The following BIRC2 variants were observed in gnomAD, a reference collection of about 807,000 sequenced individuals.
BIRC2 encodes the protein baculoviral IAP repeat-containing protein 2.
A neutral mutation model predicts 60.9 loss-of-function variants in BIRC2; 18 were observed. The ratio of observed to expected loss-of-function variants is 0.30; its 90% CI spans 0.20 to 0.44. The LOEUF (loss-of-function observed/expected upper bound fraction) is 0.44, where lower values mean the gene tolerates loss of function less well. BIRC2 is among the 20% of genes least tolerant of loss of function. The probability of loss-of-function intolerance (pLI) is 1.00; values close to 1 mark genes in which losing one functional copy is unlikely to be tolerated. For missense variants in BIRC2, 701 were observed against 728.5 expected (o/e 0.96, Z 0.43); for synonymous variants, 282 against 247.7 (o/e 1.14, Z -1.30).
At chr11:102,352,042 C>T (rs35972941) in intron 3 of BIRC2, among the ~76,000 whole-genome samples, 6,603 of 152,138 alleles carry the variant, frequency 0.043, 197 homozygotes, top group Non-Finnish European at 0.069. Flanking sequence ...GTCTACCCAT[C>T]AAGTACTAAT....
chr11:102,356,892 A>G (rs1244052867), intron 3 of BIRC2, among the ~76,000 whole-genome samples: 1 of 148,734 alleles, frequency 6.7e-6, no homozygotes, highest in Non-Finnish European at 1.5e-5. Flanking sequence ...CTGGTCTCAA[A>G]CTCCTGACCT....
intron 3 of BIRC2, among the ~76,000 whole-genome samples, chr11:102,361,722 CTG>C (rs1951487530): frequency 6.6e-6 from 1 of 152,154 alleles, no homozygotes; most frequent in Non-Finnish European, 1.5e-5. Context: ...CCACTGAGGA[CTG>C]TAATGGCACT....
At chr11:102,350,979 T>A (rs1270193505) in intron 3 of BIRC2, 36 bp downstream of exon 3, 5 of 1,596,658 alleles carry the variant, frequency 3.1e-6, no homozygotes, top group Non-Finnish European at 4.3e-6. Context: ...TACAAAAAAC[T>A]CTGTGCTTAA....
chr11:102,364,174 T>TATATATATATATATAC (rs1389968594), intron 5 of BIRC2, among the ~76,000 whole-genome samples: 115 of 77,996 alleles, frequency 1.5e-3, no homozygotes, highest in Middle Eastern at 5.6e-3. Flanking sequence ...TATATATATA[T>TATATATATATATATAC]ACACACACAC....
chr11:102,368,907 CTG>C (rs1491183076), intron 6 of BIRC2, among the ~76,000 whole-genome samples: 1 of 150,968 alleles, frequency 6.6e-6, no homozygotes, highest in Non-Finnish European at 1.5e-5. Flanking sequence ...TTTTTTCAAC[CTG>C]TTTTTTTTTT....
At chr11:102,360,784 G>GTTTTTTTTTTTTGT (rs200030086) in intron 3 of BIRC2, among the ~76,000 whole-genome samples, 6,205 of 128,780 alleles carry the variant, frequency 0.048, 115 homozygotes, top group Non-Finnish European at 0.079. Flanking sequence ...TGTTTTTTTT[G>GTTTTTTTTTTTTGT]TTTTTTTTTT....
chr11:102,367,848 T>G (rs1407025870), intron 5 of BIRC2, among the ~76,000 whole-genome samples: 1 of 152,220 alleles, frequency 6.6e-6, no homozygotes. Flanking sequence ...AATCCACTTG[T>G]CTAGACCCTG....
intron 5 of BIRC2, among the ~76,000 whole-genome samples, chr11:102,366,871 C>G (rs1039481475): frequency 6.6e-6 from 1 of 152,160 alleles, no homozygotes; most frequent in Non-Finnish European, 1.5e-5. Flanking sequence ...AAAATATAAA[C>G]TCTTAGGAAG....
chr11:102,351,613 T>TC (rs1951361286), intron 3 of BIRC2, among the ~76,000 whole-genome samples: 1 of 7,834 alleles, frequency 1.3e-4, no homozygotes, highest in African/African-American at 4.7e-4. Context: ...AGACTCTGTC[T>TC]CAAAAAAAAA....
At chr11:102,375,692 A>G (rs1591544615) in intron 6 of BIRC2, among the ~76,000 whole-genome samples, 1 of 151,438 alleles carries the variant, frequency 6.6e-6, no homozygotes, top group Admixed American at 6.6e-5. Context: ...AGGCAGGAGA[A>G]TGGCGTGAAC....
At chr11:102,357,954 A>AT (rs1591535680) in intron 3 of BIRC2, among the ~76,000 whole-genome samples, 1 of 151,992 alleles carries the variant, frequency 6.6e-6, no homozygotes, top group African/African-American at 2.4e-5. Context: ...ATTTCTTGTG[A>AT]TTTTTTAAAA....
chr11:102,364,174 T>TATATATATATATATACACACACACACAC, intron 5 of BIRC2, among the ~76,000 whole-genome samples: 1 of 78,110 alleles, frequency 1.3e-5, no homozygotes, highest in Admixed American at 1.5e-4. Flanking sequence ...TATATATATA[T>TATATATATATATATACACACACACACAC]ACACACACAC....
At chr11:102,351,555 C>T (rs556000931) in intron 3 of BIRC2, among the ~76,000 whole-genome samples, 1 of 126,346 alleles carries the variant, frequency 7.9e-6, no homozygotes, top group Admixed American at 1.1e-4. Flanking sequence ...GCGGAGGCTG[C>T]AGTGAGCCAG....
chr11:102,363,468 C>T (rs1248915481), intron 4 of BIRC2, among the ~76,000 whole-genome samples, 200 bp from the exon 5 acceptor site: 1 of 152,118 alleles, frequency 6.6e-6, no homozygotes, highest in Non-Finnish European at 1.5e-5. Flanking sequence ...TAGAGAAATA[C>T]TTGATTTCTA....
intron 3 of BIRC2, among the ~76,000 whole-genome samples, chr11:102,359,597 G>A (rs1261198002): frequency 6.6e-6 from 1 of 152,174 alleles, no homozygotes; most frequent in Non-Finnish European, 1.5e-5. Flanking sequence ...CTGAAGGACA[G>A]CTTTGCTGGG....
At chr11:102,364,001 G>T (rs571171028) in intron 5 of BIRC2, among the ~76,000 whole-genome samples, 1 of 151,286 alleles carries the variant, frequency 6.6e-6, no homozygotes, top group Admixed American at 6.6e-5. Context: ...AGTGAACTGA[G>T]ATTATGCCAT....
In BIRC2 at chr11:102,368,682, C is replaced by G. The variant is rs557589163; in HGVS notation, c.1366+134C>G. ...AGTCCTCCAGTCATTTCGAAACCAT[C>G]CCTCCTTTTCTACCCCTTTCAATTG... On this transcript the variant is annotated intron_variant, in intron 6 of 8. Coordinates refer to ENST00000227758, the MANE Select transcript of BIRC2 (RefSeq NM_001166.5). 3,680 of 1,239,686 alleles carry G rather than the reference C, an allele frequency of 3.0e-3. 8 individuals are homozygous for G. The highest frequency in any genetic ancestry group is 3.5e-3 in the Non-Finnish European group (3,100 of 897,758). The allele number at this position is 1,239,686 out of a possible 1,614,324, so 76.8% of individuals were successfully genotyped here. A position where few individuals can be genotyped will look rare whatever the true frequency, so the allele number is the denominator to read the frequency against.
At chr11:102,358,444 T>A (rs905961929) in intron 3 of BIRC2, among the ~76,000 whole-genome samples, 3 of 152,180 alleles carry the variant, frequency 2.0e-5, no homozygotes, top group South Asian at 4.1e-4. Flanking sequence ...GTCCCAAGCA[T>A]TTCAGATAAG....
Position 102,377,711 on chromosome 11 carries a change from C to G in BIRC2, c.1582C>G (p.Leu528Val). The change falls in exon 7 of 9, where the codon CTA (leucine) becomes GTA (valine). Residue 528 changes from leucine to valine, a missense_variant. Coordinates refer to ENST00000227758, the MANE Select transcript of BIRC2 (RefSeq NM_001166.5). ...TGCGGCCAACATCTTCAAAAACTGT[C>G]TAAAAGAAATTGACTCTACATTGTA... is the stretch of plus-strand genomic sequence containing the variant. ...NAAANIFKNC[L>V]KEIDSTLYKN... The G allele has an allele frequency of 2.5e-6, 4 of 1,607,546 alleles. No homozygotes were observed. Among genetic ancestry groups the G allele is most frequent in the Non-Finnish European group, 2.5e-6 (3 of 1,178,582 alleles).
Sources: gnomAD v4.1 joint callset for allele counts (sites outside exome capture counted in the v4.1 genomes callset) on GRCh38, gnomAD v4.1.1 for gene constraint, MANE v1.5 for transcripts, NCBI Gene and HGNC (gene_info 2026-07-23, HGNC 2026-07-21) for gene names.